ADGRL3: variants seen among roughly 807,000 people sequenced by gnomAD.
ADGRL3 encodes the protein adhesion G protein-coupled receptor L3.
ADGRL3 carries 62 observed loss-of-function variants against 153.5 expected under a neutral mutation model. That is an observed-to-expected ratio of 0.40 (90% CI 0.33 to 0.50). The LOEUF is 0.50. ADGRL3 is among the 20% of genes least tolerant of loss of function. The probability of loss-of-function intolerance (pLI) is 0.47; values close to 1 mark genes in which losing one functional copy is unlikely to be tolerated. For missense variants in ADGRL3, 1,641 were observed against 1,859.4 expected (o/e 0.88, Z 2.16); for synonymous variants, 710 against 672.5 (o/e 1.06, Z -0.86).
chr4:61,599,524 G>A (rs918261611), intron 5 of ADGRL3, among the ~76,000 whole-genome samples: 2 of 152,132 alleles, frequency 1.3e-5, no homozygotes, highest in Non-Finnish European at 2.9e-5. Flanking sequence ...GTAGAGATGC[G>A]GTTTCGCCCT....
intron 5 of ADGRL3, among the ~76,000 whole-genome samples, chr4:61,647,423 C>T (rs542314419): frequency 6.6e-6 from 1 of 152,000 alleles, no homozygotes; most frequent in Non-Finnish European, 1.5e-5. Context: ...GGGTTTGTCC[C>T]CATATCTGAG....
intron 4 of ADGRL3, among the ~76,000 whole-genome samples, chr4:61,566,975 C>T (rs946927181): frequency 6.6e-6 from 1 of 152,196 alleles, no homozygotes; most frequent in Non-Finnish European, 1.5e-5. Context: ...CATTATTAAT[C>T]GTTTACTTTA....
chr4:61,270,513 T>C (rs557791604), intron 1 of ADGRL3, among the ~76,000 whole-genome samples: 26 of 151,844 alleles, frequency 1.7e-4, no homozygotes, highest in Admixed American at 7.2e-4. Flanking sequence ...AGCATATCTG[T>C]CTAGTCAAAA....
chr4:61,432,991 T>C (rs890810101), intron 2 of ADGRL3, among the ~76,000 whole-genome samples: 7 of 152,076 alleles, frequency 4.6e-5, no homozygotes, highest in African/African-American at 1.4e-4. Context: ...AAACTGGCAA[T>C]TCTAGATCAA....
chr4:61,750,796 G>GAAAAAAAAAAA (rs34825890), intron 8 of ADGRL3, among the ~76,000 whole-genome samples: 1 of 121,962 alleles, frequency 8.2e-6, no homozygotes, highest in Non-Finnish European at 1.8e-5. Flanking sequence ...TCTCAAAAAA[G>GAAAAAAAAAAA]AAAAAAAAAA....
In ADGRL3 at chr4:62,073,441, T is replaced by G. The variant is rs1560587755; in HGVS notation, c.*2533T>G. On this transcript the variant is annotated 3_prime_UTR_variant, in exon 27 of 27. Transcript: ENST00000683033. The stretch of plus-strand genomic sequence containing the variant: ...AACCCACCCGATACATAGAATACAT[T>G]TGGCAATAAAAGAATCCTTTTTAGA... 1 of 152,078 alleles carries G rather than the reference T, an allele frequency of 6.6e-6. No individual in the cohort carries two copies. Among genetic ancestry groups the G allele is most frequent in the Non-Finnish European group, 1.5e-5 (1 of 67,992 alleles). The allele number at this position is 152,078 out of a possible 1,614,324, so 9.4% of individuals were successfully genotyped here. A position where few individuals can be genotyped will look rare whatever the true frequency, so the allele number is the denominator to read the frequency against.
chr4:61,825,890 T>C (rs1353623616), intron 9 of ADGRL3, among the ~76,000 whole-genome samples: 3 of 152,034 alleles, frequency 2.0e-5, no homozygotes, highest in African/African-American at 7.2e-5. Flanking sequence ...TGATGAGGGG[T>C]GTAGGGAGAC....
chr4:61,492,568 A>T (rs1455568998), intron 2 of ADGRL3, among the ~76,000 whole-genome samples: 15 of 152,116 alleles, frequency 9.9e-5, no homozygotes, highest in Admixed American at 9.8e-4. Context: ...AAAGAAGAGA[A>T]TATTAAAAAA....
At chr4:61,250,313 G>A (rs1040300300) in intron 1 of ADGRL3, among the ~76,000 whole-genome samples, 8 of 152,142 alleles carry the variant, frequency 5.3e-5, no homozygotes, top group African/African-American at 1.7e-4. Flanking sequence ...CCTCAAGTGG[G>A]TTACAGGACT....
intron 1 of ADGRL3, among the ~76,000 whole-genome samples, chr4:61,246,354 G>C (rs922392052): frequency 6.6e-6 from 1 of 152,050 alleles, no homozygotes; most frequent in South Asian, 2.1e-4. Flanking sequence ...CTAGTTATGA[G>C]CTAGATGGTG....
intron 21 of ADGRL3, among the ~76,000 whole-genome samples, chr4:62,007,150 C>A (rs545410361): frequency 6.6e-6 from 1 of 151,284 alleles, no homozygotes; most frequent in Non-Finnish European, 1.5e-5. Flanking sequence ...AGAAGGGATT[C>A]TCTTCATGAG....
chr4:62,038,672 G>A (rs1726461303), intron 24 of ADGRL3, among the ~76,000 whole-genome samples: 1 of 152,136 alleles, frequency 6.6e-6, no homozygotes, highest in East Asian at 1.9e-4. Flanking sequence ...TACAATCTCA[G>A]CTCACTGAAA....
chr4:61,276,241 C>T (rs2093451822), intron 1 of ADGRL3, among the ~76,000 whole-genome samples: 1 of 152,172 alleles, frequency 6.6e-6, no homozygotes, highest in African/African-American at 2.4e-5. Context: ...CCCATCATTA[C>T]TCTAGTGCTT....
At chr4:61,332,882 A>G (rs1383386678) in intron 1 of ADGRL3, among the ~76,000 whole-genome samples, 1 of 152,142 alleles carries the variant, frequency 6.6e-6, no homozygotes, top group East Asian at 1.9e-4. Context: ...GGCTCTGACG[A>G]TTGGGTTGCT....
chr4:61,792,692 G>A (rs1401523571), intron 8 of ADGRL3, among the ~76,000 whole-genome samples: 1 of 151,852 alleles, frequency 6.6e-6, no homozygotes, highest in Non-Finnish European at 1.5e-5. Context: ...GTTTCACCAT[G>A]TTGGTCATGC....
chr4:61,548,622 T>C (rs2098725533), intron 4 of ADGRL3, among the ~76,000 whole-genome samples: 1 of 152,126 alleles, frequency 6.6e-6, no homozygotes, highest in Admixed American at 6.6e-5. Flanking sequence ...TCTATTTTGT[T>C]CCACTGGTCT....
intron 8 of ADGRL3, among the ~76,000 whole-genome samples, chr4:61,800,453 T>C (rs927735935): frequency 5.3e-5 from 8 of 152,152 alleles, no homozygotes; most frequent in Admixed American, 5.2e-4. Context: ...AAGTCTATTG[T>C]AGAGGGTCCA....
At chr4:61,593,713 C>G (rs1285842588) in intron 5 of ADGRL3, among the ~76,000 whole-genome samples, 1 of 152,034 alleles carries the variant, frequency 6.6e-6, no homozygotes, top group Non-Finnish European at 1.5e-5. Context: ...GGTTTTTTCC[C>G]TCTGGCTGCT....
chr4:61,716,329 A>G (rs1267734161), intron 6 of ADGRL3, among the ~76,000 whole-genome samples: 1 of 152,132 alleles, frequency 6.6e-6, no homozygotes, highest in African/African-American at 2.4e-5. Context: ...ATCTGGTTCT[A>G]TTCAACTGCC....
Sources: allele counts gnomAD v4.1 joint callset (sites outside exome capture counted in the v4.1 genomes callset), GRCh38; gene constraint gnomAD v4.1.1; transcripts MANE v1.5; gene names NCBI Gene and HGNC (gene_info 2026-07-23, HGNC 2026-07-21).